The following GTF2A1 variants were observed in gnomAD, a reference collection of about 807,000 sequenced individuals.
GTF2A1 encodes general transcription factor IIA subunit 1, also known as transcription initiation factor IIA subunit 1.
Under a neutral mutation model 54.1 loss-of-function variants are expected in GTF2A1, and 12 were observed. The ratio of observed to expected loss-of-function variants is 0.22; its 90% CI spans 0.14 to 0.36. GTF2A1 has a LOEUF of 0.36. GTF2A1 is among the 10% of genes least tolerant of loss of function. The pLI is 1.00. For missense variants in GTF2A1, 335 were observed against 442.2 expected (o/e 0.76, Z 2.17); for synonymous variants, 145 against 152.0 (o/e 0.95, Z 0.34).
intron 1 of GTF2A1, among the ~76,000 whole-genome samples, chr14:81,219,974 A>T: frequency 6.6e-6 from 1 of 152,086 alleles, no homozygotes; most frequent in East Asian, 1.9e-4. Flanking sequence ...CCCAAAGCAC[A>T]GCCGCCAAAA....
chr14:81,200,796 C>A (rs1045306860), intron 4 of GTF2A1, among the ~76,000 whole-genome samples: 1 of 149,378 alleles, frequency 6.7e-6, no homozygotes, highest in Middle Eastern at 3.6e-3. Flanking sequence ...ATGAAATCAA[C>A]AGTCTGTATA....
intron 8 of GTF2A1, among the ~76,000 whole-genome samples, chr14:81,182,683 T>C (rs1314450312): frequency 6.6e-6 from 1 of 152,192 alleles, no homozygotes; most frequent in Non-Finnish European, 1.5e-5. Flanking sequence ...AGCAAAGTAA[T>C]CCTTTCAAAA....
chr14:81,184,207 TATATTCTTCAGTCAGGCTAAAAC>T (rs1892694399), intron 8 of GTF2A1, among the ~76,000 whole-genome samples: 1 of 152,152 alleles, frequency 6.6e-6, no homozygotes, highest in Non-Finnish European at 1.5e-5. Context: ...CACTTAAAAG[TATATTCTTCAGTCAGGCTAAAAC>T]AAAGGTCCTC....
chr14:81,204,026 G>C lies in GTF2A1; in HGVS notation c.211C>G (p.Gln71Glu), dbSNP rs1270222060. Residue 71 changes from glutamine (Q) to glutamate (E), a missense_variant, in exon 3 of 9, where the codon CAA becomes GAA. Coordinates refer to ENST00000553612, the MANE Select transcript of GTF2A1 (RefSeq NM_015859.4). ...SEEQQLLLQVQQQHQPQQQQH... is the reference protein window; with the variant it reads ...SEEQQLLLQVEQQHQPQQQQH... ...TGCTGCTGGGGTTGATGCTGCTGTT[G>C]AACTTGCAGTAGAAGCTGCTGCTCT... 1 of 1,613,722 alleles carries C rather than the reference G, an allele frequency of 6.2e-7. No individual in the cohort carries two copies. The highest frequency in any genetic ancestry group is 8.5e-7 in the Non-Finnish European group (1 of 1,179,666).
At chr14:81,195,135 CAA>C (rs749038152) in intron 6 of GTF2A1, among the ~76,000 whole-genome samples, 15 of 61,256 alleles carry the variant, frequency 2.4e-4, no homozygotes, top group Admixed American at 5.6e-4. Context: ...GACTCTGTCT[CAA>C]AAAAAAAAAA....
intron 7 of GTF2A1, among the ~76,000 whole-genome samples, chr14:81,190,934 C>T (rs1219785995): frequency 2.6e-5 from 4 of 152,072 alleles, no homozygotes; most frequent in South Asian, 2.1e-4. Flanking sequence ...ATATTAAAAG[C>T]GCTACATATT....
chr14:81,207,278 T>C (rs931986315), intron 2 of GTF2A1, among the ~76,000 whole-genome samples: 2 of 152,100 alleles, frequency 1.3e-5, no homozygotes, highest in African/African-American at 4.8e-5. Context: ...GGACATGTAA[T>C]TGAACCATGG....
chr14:81,188,703 G>A (rs1892802626), intron 7 of GTF2A1, among the ~76,000 whole-genome samples: 1 of 151,360 alleles, frequency 6.6e-6, no homozygotes, highest in Admixed American at 6.6e-5. Flanking sequence ...TGTGAACCCG[G>A]GAGGCTGAGC....
chr14:81,185,475 G>T, intron 8 of GTF2A1, 56 bp downstream of exon 8: 3 of 953,974 alleles, frequency 3.1e-6, no homozygotes, highest in Non-Finnish European at 5.1e-6. Flanking sequence ...AAAGAATAAT[G>T]TAGGGAAGAA....
rs567712857 is a variant in GTF2A1 at position 81,212,757 on chromosome 14, T to C, written c.132+3656A>G. ...AGTCCAATATGGCAGCAACTAGCCATATGTAGTGATTTAAGTTTAGATTAA... is the reference window on the plus strand; with the variant it reads ...AGTCCAATATGGCAGCAACTAGCCACATGTAGTGATTTAAGTTTAGATTAA... On this transcript the variant is annotated intron_variant, in intron 2 of 8. Transcript: ENST00000553612. Among the ~76,000 whole-genome samples the C allele has an allele frequency of 7.9e-5, 12 of 152,344 alleles. No individual in the cohort carries two copies. In the East Asian group the frequency reaches 1.7e-3, roughly 22 times the overall value.
At chr14:81,201,536 T>C in intron 4 of GTF2A1, 58 bp downstream of exon 4, 5 of 1,007,400 alleles carry the variant, frequency 5.0e-6, no homozygotes, top group Non-Finnish European at 7.9e-6. Context: ...ATAGGCATAA[T>C]TACAATGTGG....
intron 7 of GTF2A1, among the ~76,000 whole-genome samples, chr14:81,187,741 T>C (rs1892781500): frequency 6.6e-6 from 1 of 152,232 alleles, no homozygotes; most frequent in South Asian, 2.1e-4. Flanking sequence ...TGATGAACAT[T>C]TGGGTTTATA....
At position 81,179,224 on chromosome 14, in the gene GTF2A1, G is replaced by C. The variant is rs1377697740; in HGVS notation, c.*999C>G. 4 of 152,088 alleles carry C rather than the reference G, an allele frequency of 2.6e-5. No homozygotes were observed. Among genetic ancestry groups the C allele is most frequent in the Non-Finnish European group, 5.9e-5 (4 of 68,004 alleles). The allele number at this position is 152,088 out of a possible 1,614,324, so 9.4% of individuals were successfully genotyped here. ...AAGAAACTTTTATAATTACTAAACT[G>C]TTTAATAAAAATCCAGGTCCTCACC... On this transcript the variant is annotated 3_prime_UTR_variant, in exon 9 of 9. Transcript: ENST00000553612.
At chr14:81,216,043 A>G (rs904688705) in intron 2 of GTF2A1, among the ~76,000 whole-genome samples, 1 of 152,218 alleles carries the variant, frequency 6.6e-6, no homozygotes, top group Non-Finnish European at 1.5e-5. Flanking sequence ...GAAAAAAGAA[A>G]GCAACAAAAT....
chr14:81,211,746 A>G (rs1433872763), intron 2 of GTF2A1, among the ~76,000 whole-genome samples: 1 of 151,682 alleles, frequency 6.6e-6, no homozygotes, highest in Non-Finnish European at 1.5e-5. Flanking sequence ...AATATATTAC[A>G]CTTCTAGGTT....
intron 2 of GTF2A1, among the ~76,000 whole-genome samples, chr14:81,208,039 G>A (rs545159824): frequency 1.3e-5 from 2 of 152,190 alleles, no homozygotes; most frequent in African/African-American, 2.4e-5. Flanking sequence ...AATTCAAGCT[G>A]GCTGGAGAAA....
At chr14:81,197,530 T>G in intron 4 of GTF2A1, 46 bp from the exon 5 acceptor site, 1 of 975,372 alleles carries the variant, frequency 1.0e-6, no homozygotes, top group Non-Finnish European at 1.6e-6. Flanking sequence ...ACATGTATAA[T>G]ACTGTTTCTC....
chr14:81,203,265 A>G (rs552717957), intron 3 of GTF2A1, among the ~76,000 whole-genome samples: 1 of 152,350 alleles, frequency 6.6e-6, no homozygotes, highest in African/African-American at 2.4e-5. Context: ...GGCACTATGG[A>G]CACAGTCTAT....
intron 3 of GTF2A1, among the ~76,000 whole-genome samples, chr14:81,203,303 C>A (rs923064848): frequency 6.6e-6 from 1 of 152,108 alleles, no homozygotes; most frequent in African/African-American, 2.4e-5. Context: ...TAGCTTTAAT[C>A]CAAGTAATAT....
Sources: gnomAD v4.1 joint callset for allele counts (sites outside exome capture counted in the v4.1 genomes callset) on GRCh38, gnomAD v4.1.1 for gene constraint, MANE v1.5 for transcripts, NCBI Gene and HGNC (gene_info 2026-07-23, HGNC 2026-07-21) for gene names.